TUBA8: variants seen among roughly 807,000 people sequenced by gnomAD.
The protein encoded by TUBA8 is tubulin alpha 8, also known as tubulin alpha-8 chain.
In TUBA8, 29 loss-of-function variants were observed where a neutral mutation model predicts 34.7. The observed-to-expected ratio is 0.84, with a 90% CI of 0.62 to 1.14. The LOEUF (loss-of-function observed/expected upper bound fraction) is 1.14, where lower values mean the gene tolerates loss of function less well. Ranked by LOEUF, TUBA8 falls within the 50% of genes most tolerant of loss-of-function variation. TUBA8 has a pLI of 0.00. For missense variants in TUBA8, 541 were observed against 599.2 expected (o/e 0.90, Z 1.01); for synonymous variants, 226 against 231.2 (o/e 0.98, Z 0.21).
intron 3 of TUBA8, chr22:18,125,096 T>A (rs1430338505): frequency 6.6e-6 from 1 of 152,240 alleles, no homozygotes; most frequent in African/African-American, 2.4e-5. Context: ...ATTCTATGAA[T>A]TCTCTGGTGA....
chr22:18,110,988 G>A lies in TUBA8; in HGVS notation c.3+120G>A. 2.0e-6 allele frequency: 3 copies of A among 1,477,370 alleles called. No individual in the cohort carries two copies. Among genetic ancestry groups the A allele is most frequent in the South Asian group, 2.4e-5 (2 of 82,562 alleles). The allele number at this position is 1,477,370 out of a possible 1,614,324, so 91.5% of individuals were successfully genotyped here. ...GAGCCGCAGGGCTCAAGGCCTTCTGGGGGTGGCAGTTCAGGGTCGAGGAGT... is the reference window on the plus strand; with the variant it reads ...GAGCCGCAGGGCTCAAGGCCTTCTGAGGGTGGCAGTTCAGGGTCGAGGAGT... On this transcript the variant is annotated intron_variant, in intron 1 of 4. Transcript: ENST00000330423. The surrounding 1 kb of genome is among the most constrained non-coding windows in gnomAD (Gnocchi z 6.2).
chr22:18,126,592 A>G lies in TUBA8; in HGVS notation c.614A>G (p.Asp205Gly). ...LEHSDCAFMV[D>G]NEAIYDICRR... The stretch of plus-strand genomic sequence containing the variant: ...CATTCAGATTGTGCTTTCATGGTGG[A>G]CAACGAAGCCATCTATGACATCTGC... The change falls in exon 4 of 5, where the codon GAC becomes GGC. Residue 205 changes from aspartate to glycine, a missense_variant. Transcript: ENST00000330423. The surrounding 1 kb of genome is among the most constrained non-coding windows in gnomAD (Gnocchi z 4.0). The G allele has an allele frequency of 1.2e-6, 2 of 1,614,184 alleles. No homozygotes were observed. The highest frequency in any genetic ancestry group is 1.7e-6 in the Non-Finnish European group (2 of 1,180,038).
At position 18,131,215 on chromosome 22, in the gene TUBA8, C is replaced by T. The variant is rs1322499733; in HGVS notation, c.*79C>T. On this transcript the variant is annotated 3_prime_UTR_variant, in exon 5 of 5. Coordinates refer to ENST00000330423, the MANE Select transcript of TUBA8 (RefSeq NM_018943.3). This position sits in a 1 kb window ranked among gnomAD's most constrained non-coding sequence, Gnocchi z 5.3. ...CACATGTTCAAGAGAACAGAACACT[C>T]TCCCCGCCCCAGCCTGATTCCTGCC... 3 of 1,480,260 alleles carry T rather than the reference C, an allele frequency of 2.0e-6. No homozygotes were observed. The highest frequency in any genetic ancestry group is 2.8e-6 in the Non-Finnish European group (3 of 1,068,454). 91.7% of individuals were successfully genotyped at this position (1,480,260 alleles called of 1,614,324 possible). A position where few individuals can be genotyped will look rare whatever the true frequency, so the allele number is the denominator to read the frequency against.
intron 1 of TUBA8, chr22:18,112,891 T>C (rs1280634598): frequency 6.6e-6 from 1 of 152,236 alleles, no homozygotes; most frequent in Non-Finnish European, 1.5e-5. Context: ...GACACATCTA[T>C]AAACCTAGAC....
At chr22:18,114,752 T>C (rs145733075) in intron 1 of TUBA8, 1 of 152,156 alleles carries the variant, frequency 6.6e-6, no homozygotes, top group Non-Finnish European at 1.5e-5. Flanking sequence ...GTGTGGGTGG[T>C]GCCAGGCTTT....
chr22:18,125,060 A>G lies in TUBA8; in HGVS notation c.375+756A>G, dbSNP rs532961203. ...CTGTCTGTGGTCCCCAAAAGTTCAAATCACACCCAGTGGGAAAATCCTGTG... is the reference window on the plus strand; with the variant it reads ...CTGTCTGTGGTCCCCAAAAGTTCAAGTCACACCCAGTGGGAAAATCCTGTG... On this transcript the variant is annotated intron_variant, in intron 3 of 4. Transcript: ENST00000330423. 3 of 152,366 alleles carry G rather than the reference A, an allele frequency of 2.0e-5. No individual in the cohort carries two copies. The East Asian group carries it at 5.8e-4, about 29-fold the overall frequency. The allele number at this position is 152,366 out of a possible 1,614,324, so 9.4% of individuals were successfully genotyped here. A position where few individuals can be genotyped will look rare whatever the true frequency, so the allele number is the denominator to read the frequency against.
chr22:18,128,748 T>C (rs1928414242), intron 4 of TUBA8: 1 of 152,214 alleles, frequency 6.6e-6, no homozygotes, highest in African/African-American at 2.4e-5. Context: ...GGTTTCACCA[T>C]GTTGGCCAGG....
chr22:18,116,473 T>C (rs1336465568), intron 1 of TUBA8: 1 of 152,164 alleles, frequency 6.6e-6, no homozygotes, highest in Non-Finnish European at 1.5e-5. Flanking sequence ...TCCCTTTTCC[T>C]CTCTGAGCTC....
intron 1 of TUBA8, chr22:18,112,007 G>A: frequency 6.6e-6 from 1 of 152,100 alleles, no homozygotes; most frequent in East Asian, 1.9e-4. Context: ...AAGAACTTGG[G>A]AATATTAGGG....
At position 18,126,607 on chromosome 22, in the gene TUBA8, A is replaced by G. The variant is rs764861549; in HGVS notation, c.629A>G (p.Tyr210Cys). 4.3e-6 allele frequency: 7 copies of G among 1,614,128 alleles called. No individual in the cohort carries two copies. Among genetic ancestry groups the G allele is most frequent in the Non-Finnish European group, 5.1e-6 (6 of 1,180,020 alleles). Residue 210 changes from tyrosine to cysteine, a missense_variant, in exon 4 of 5, where the codon TAT becomes TGT. Tyr to Cys is a radical substitution (Grantham distance 194). Coordinates refer to ENST00000330423, the MANE Select transcript of TUBA8 (RefSeq NM_018943.3). This position sits in a 1 kb window ranked among gnomAD's most constrained non-coding sequence, Gnocchi z 4.0. ...CAFMVDNEAI[Y>C]DICRRNLDIE... The stretch of plus-strand genomic sequence containing the variant: ...TTCATGGTGGACAACGAAGCCATCT[A>G]TGACATCTGCCGCAGGAACCTTGAC...
Position 18,126,367 on chromosome 22 carries a change from C to T in TUBA8, c.389C>T (p.Ser130Phe). The T allele has an allele frequency of 6.2e-7, 1 of 1,614,160 alleles. No individual in the cohort carries two copies. Among genetic ancestry groups the T allele is most frequent in the South Asian group, 1.1e-5 (1 of 91,074 alleles). The change falls in exon 4 of 5, where the codon TCT becomes TTT. Residue 130 changes from serine to phenylalanine, a missense_variant. Transcript: ENST00000330423. The surrounding 1 kb of genome is among the most constrained non-coding windows in gnomAD (Gnocchi z 4.0). ...TGCTCTCCCTAGACAGATGCTTGCTCTGGCCTGCAGGGCTTCCTGATTTTC... is the reference window on the plus strand; with the variant it reads ...TGCTCTCCCTAGACAGATGCTTGCTTTGGCCTGCAGGGCTTCCTGATTTTC... ...DRIRKLTDAC[S>F]GLQGFLIFHS...
In TUBA8 at chr22:18,118,304, C is replaced by A. The variant is rs992993923; in HGVS notation, c.4-3175C>A. The A allele has an allele frequency of 3.9e-5, 6 of 152,198 alleles. No individual in the cohort carries two copies. Among genetic ancestry groups the A allele is most frequent in the African/African-American group, 1.4e-4 (6 of 41,456 alleles). The allele number at this position is 152,198 out of a possible 1,614,324, so 9.4% of individuals were successfully genotyped here. On this transcript the variant is annotated intron_variant, in intron 1 of 4. Transcript: ENST00000330423. This position sits in a 1 kb window ranked among gnomAD's most constrained non-coding sequence, Gnocchi z 4.0. Reference sequence around the variant, plus strand: ...CATTCTTCAATTAAAGAAAAAAGAGCCTTCTCTAACTAACGGGGCTGTCTG... The same window carrying A: ...CATTCTTCAATTAAAGAAAAAAGAGACTTCTCTAACTAACGGGGCTGTCTG...
rs747762078 is a variant in TUBA8, at chr22:18,126,851, A to C, written c.873A>C (p.Ile291=). 1 of 1,612,420 alleles carries C rather than the reference A, an allele frequency of 6.2e-7. No individual in the cohort carries two copies. Among genetic ancestry groups the C allele is most frequent in the Admixed American group, 1.7e-5 (1 of 59,990 alleles). The change falls in exon 4 of 5, where the codon ATA becomes ATC. Residue 291 remains isoleucine, a synonymous_variant. Transcript: ENST00000330423. The surrounding 1 kb of genome is among the most constrained non-coding windows in gnomAD (Gnocchi z 4.0). ...ACGAACAGCTCTCTGTGGCCGAGAT[A>C]ACCAGCTCCTGCTTTGAGCCCAACA... ...AYHEQLSVAE[I]TSSCFEPNSQ...
At position 18,111,074 on chromosome 22, in the gene TUBA8, G is replaced by C; in HGVS notation, c.3+206G>C. 2 of 722,470 alleles carry C rather than the reference G, an allele frequency of 2.8e-6. No homozygotes were observed. The highest frequency in any genetic ancestry group is 4.6e-6 in the Non-Finnish European group (2 of 437,486). 44.8% of individuals were successfully genotyped at this position (722,470 alleles called of 1,614,324 possible). A position where few individuals can be genotyped will look rare whatever the true frequency, so the allele number is the denominator to read the frequency against. ...TCGTATGGGGGAAATAGAGACCAGGGGCCAGTTGTTCCTTAAAGGGACCTA... is the reference window on the plus strand; with the variant it reads ...TCGTATGGGGGAAATAGAGACCAGGCGCCAGTTGTTCCTTAAAGGGACCTA... On this transcript the variant is annotated intron_variant, in intron 1 of 4. Coordinates refer to ENST00000330423, the MANE Select transcript of TUBA8 (RefSeq NM_018943.3). This position sits in a 1 kb window ranked among gnomAD's most constrained non-coding sequence, Gnocchi z 5.1.
At chr22:18,120,545 G>C (rs1442626104) in intron 1 of TUBA8, 1 of 152,200 alleles carries the variant, frequency 6.6e-6, no homozygotes, top group Non-Finnish European at 1.5e-5. Flanking sequence ...CTGGGCACCT[G>C]GTTGATTCCG....
chr22:18,116,972 G>C (rs997413004), intron 1 of TUBA8: 1 of 152,256 alleles, frequency 6.6e-6, no homozygotes, highest in Non-Finnish European at 1.5e-5. Context: ...CAAAGCCCTA[G>C]CAATGTAGGC....
chr22:18,123,940 C>T (rs1248997974), intron 2 of TUBA8: 2 of 596,384 alleles, frequency 3.4e-6, no homozygotes, highest in Non-Finnish European at 6.0e-6. Context: ...GCCTGCTTCT[C>T]ACCGCCCACA....
At position 18,111,024 on chromosome 22, in the gene TUBA8, G is replaced by T. The variant is rs1033081289; in HGVS notation, c.3+156G>T. On this transcript the variant is annotated intron_variant, in intron 1 of 4. Coordinates refer to ENST00000330423, the MANE Select transcript of TUBA8 (RefSeq NM_018943.3). The surrounding 1 kb of genome is among the most constrained non-coding windows in gnomAD (Gnocchi z 5.1). ...TCAGGGTCGAGGAGTCCGCACCCTC[G>T]GGCGGGAACACCCGGTGCCCTTTAT... The T allele has an allele frequency of 8.9e-6, 10 of 1,129,584 alleles. No homozygotes were observed. In the Middle Eastern group the frequency reaches 8.5e-4, roughly 96 times the overall value. 70.0% of individuals were successfully genotyped at this position (1,129,584 alleles called of 1,614,324 possible).
intron 1 of TUBA8, chr22:18,112,053 C>G (rs1247354740): frequency 2.6e-5 from 4 of 152,076 alleles, no homozygotes; most frequent in African/African-American, 9.7e-5. Flanking sequence ...GCCTGAGGAC[C>G]CTGGTATGAG....
Sources: allele counts gnomAD v4.1 joint callset, GRCh38; gene constraint gnomAD v4.1.1; non-coding constraint Gnocchi (gnomAD v3.1); transcripts MANE v1.5; gene names NCBI Gene and HGNC (gene_info 2026-07-23, HGNC 2026-07-21).